The following DGKI variants were observed in gnomAD, a reference collection of about 807,000 sequenced individuals.
The protein encoded by DGKI is diacylglycerol kinase iota.
A neutral mutation model predicts 147.5 loss-of-function variants in DGKI; 55 were observed. The observed-to-expected ratio is 0.37, with a 90% CI of 0.30 to 0.47. DGKI has a LOEUF of 0.47. Among genes scored for constraint, DGKI ranks in the 20% least tolerant of loss-of-function variants. DGKI has a pLI of 1.00. For missense variants in DGKI, 1,007 were observed against 1,323.8 expected, an observed-to-expected ratio of 0.76 and a Z score of 3.71; for synonymous variants, 469 against 477.1, an observed-to-expected ratio of 0.98 and a Z score of 0.22.
Position 137,391,088 on chromosome 7 carries a change from G to C in DGKI, c.*132C>G. Reference sequence around the variant, plus strand: ...GGTAGCCCTTAAAAGCTAGTGGCATGGTCTCAGGTAGATTCTTGCAGGAGA... The same window carrying C: ...GGTAGCCCTTAAAAGCTAGTGGCATCGTCTCAGGTAGATTCTTGCAGGAGA... On this transcript the variant is annotated 3_prime_UTR_variant, in exon 33 of 33. Coordinates refer to ENST00000614521, the MANE Select transcript of DGKI (RefSeq NM_001321708.2). 1 of 756,218 alleles carries C rather than the reference G, an allele frequency of 1.3e-6. No individual in the cohort carries two copies. Among genetic ancestry groups the C allele is most frequent in the Non-Finnish European group, 2.3e-6 (1 of 428,936 alleles). The allele number at this position is 756,218 out of a possible 1,614,324, so 46.8% of individuals were successfully genotyped here. A position where few individuals can be genotyped will look rare whatever the true frequency, so the allele number is the denominator to read the frequency against.
intron 28 of DGKI, among the ~76,000 whole-genome samples, chr7:137,434,613 T>C (rs1585112439): frequency 6.6e-6 from 1 of 151,736 alleles, no homozygotes; most frequent in African/African-American, 2.4e-5. Flanking sequence ...AAAAGAGTAT[T>C]CCCTCATCTT....
At chr7:137,599,690 G>T in intron 11 of DGKI, 133 bp downstream of exon 11, 1 of 709,502 alleles carries the variant, frequency 1.4e-6, no homozygotes, top group Non-Finnish European at 2.3e-6. Flanking sequence ...AAGTTTTAAA[G>T]GAAGGAGAGT....
rs1239598456 is a variant in DGKI, at chr7:137,388,500, T to C, written c.*2720A>G. On this transcript the variant is annotated 3_prime_UTR_variant, in exon 33 of 33. Transcript: ENST00000614521. ...ATTTCTATAGGTACATATTTTTATG[T>C]CTGTTAAAGTTACATGGCACTTCAG... The C allele has an allele frequency of 1.3e-5, 2 of 152,150 alleles. No individual in the cohort carries two copies. The highest frequency in any genetic ancestry group is 4.8e-5 in the African/African-American group (2 of 41,440). 9.4% of individuals were successfully genotyped at this position (152,150 alleles called of 1,614,324 possible).
At chr7:137,827,632 CAATCATGTGCATCATG>C (rs1798098371) in intron 1 of DGKI, among the ~76,000 whole-genome samples, 1 of 152,198 alleles carries the variant, frequency 6.6e-6, no homozygotes, top group South Asian at 2.1e-4. Context: ...GATCCAGATA[CAATCATGTGCATCATG>C]CTATGCCCGC....
In DGKI at chr7:137,591,481, G is replaced by GT. The variant is rs1423297642; in HGVS notation, c.1312-4272dup. Among the ~76,000 whole-genome samples the GT allele has an allele frequency of 4.6e-5, 7 of 152,052 alleles. No individual in the cohort carries two copies. The East Asian group carries it at 9.7e-4, about 21-fold the overall frequency. Reference sequence around the variant, plus strand: ...ATCGCCCCTCCACAGCTCCTGAATAGTTTTTTTCAGCCAGCAGCTCTATCA... The same window carrying GT: ...ATCGCCCCTCCACAGCTCCTGAATAGTTTTTTTTCAGCCAGCAGCTCTATCA... On this transcript the variant is annotated intron_variant, in intron 12 of 32. Transcript: ENST00000614521.
chr7:137,391,497 A>G (rs1044364478), intron 32 of DGKI, among the ~76,000 whole-genome samples, 161 bp from the exon 33 acceptor site: 8 of 152,232 alleles, frequency 5.3e-5, no homozygotes, highest in Non-Finnish European at 1.2e-4. Flanking sequence ...GGTGTTTTAG[A>G]GTTTACAAGA....
At chr7:137,645,062 T>C (rs976500512) in intron 6 of DGKI, among the ~76,000 whole-genome samples, 1 of 152,234 alleles carries the variant, frequency 6.6e-6, no homozygotes, top group Non-Finnish European at 1.5e-5. Context: ...TTCTAGCTTC[T>C]GACCATGTTG....
chr7:137,618,153 T>TATGTATATA, intron 8 of DGKI, among the ~76,000 whole-genome samples: 1 of 9,642 alleles, frequency 1.0e-4, no homozygotes, highest in African/African-American at 1.8e-4. Context: ...ATATATATAT[T>TATGTATATA]TTTTTTTTTT....
rs1158889172 is a variant in DGKI at position 137,722,582 on chromosome 7, C to G, written c.402-32580G>C. ...CAGAAATTTGTCATTGCCACCTCAA[C>G]CAAAATCGATATCAGCAATGTAAAA... is the stretch of plus-strand genomic sequence containing the variant. On this transcript the variant is annotated intron_variant, in intron 1 of 32. Coordinates refer to ENST00000614521, the MANE Select transcript of DGKI (RefSeq NM_001321708.2). 6 of 1,577,062 alleles carry G rather than the reference C, an allele frequency of 3.8e-6. No individual in the cohort carries two copies. The African/African-American group carries it at 8.1e-5, about 21-fold the overall frequency.
rs1819349071 is a variant in DGKI at position 137,585,276 on chromosome 7, C to T, written c.1496G>A (p.Arg499His). ...VEDGTVVQLD[R>H]WNLHVERNPD... ...GTTTCTTTCCACATGGAGGTTCCAGCGATCTAGCTGTACAACTGTCCCATC... is the reference window on the plus strand; with the variant it reads ...GTTTCTTTCCACATGGAGGTTCCAGTGATCTAGCTGTACAACTGTCCCATC... The change falls in exon 14 of 33, where the codon CGC (arginine) becomes CAC (histidine). Residue 499 changes from arginine (R) to histidine (H), a missense_variant. Transcript: ENST00000614521. 1 of 1,614,116 alleles carries T rather than the reference C, an allele frequency of 6.2e-7. No individual in the cohort carries two copies. The highest frequency in any genetic ancestry group is 8.5e-7 in the Non-Finnish European group (1 of 1,179,998).
At chr7:137,515,804 C>T (rs1816726299) in intron 21 of DGKI, among the ~76,000 whole-genome samples, 1 of 151,804 alleles carries the variant, frequency 6.6e-6, no homozygotes, top group South Asian at 2.1e-4. Context: ...TAGCTCACAG[C>T]AATAGTACGA....
chr7:137,394,483 C>T (rs1161359012), intron 32 of DGKI, among the ~76,000 whole-genome samples: 1 of 152,112 alleles, frequency 6.6e-6, no homozygotes, highest in Non-Finnish European at 1.5e-5. Context: ...AGCCCTGGTT[C>T]AACTCTACTA....
At chr7:137,543,220 C>T in intron 20 of DGKI, among the ~76,000 whole-genome samples, 1 of 152,172 alleles carries the variant, frequency 6.6e-6, no homozygotes, top group East Asian at 1.9e-4. Flanking sequence ...CCAATGAGGA[C>T]TTTACTTCAT....
chr7:137,727,333 A>G (rs560795030), intron 1 of DGKI, among the ~76,000 whole-genome samples: 58 of 152,290 alleles, frequency 3.8e-4, no homozygotes, highest in African/African-American at 1.4e-3. Context: ...TAATATGACA[A>G]CAACACAAGA....
intron 21 of DGKI, among the ~76,000 whole-genome samples, chr7:137,517,343 A>AAG (rs1449320966): frequency 2.5e-4 from 31 of 121,946 alleles, no homozygotes; most frequent in South Asian, 5.8e-4. Flanking sequence ...AAGAAAGAGA[A>AAG]AGAAAGAAAG....
At chr7:137,634,080 T>C (rs1821228815) in intron 6 of DGKI, among the ~76,000 whole-genome samples, 1 of 152,200 alleles carries the variant, frequency 6.6e-6, no homozygotes, top group Non-Finnish European at 1.5e-5. Context: ...TATGCTAGAA[T>C]ATCCTCTCCA....
At chr7:137,638,600 A>ATGTG (rs1821479184) in intron 6 of DGKI, among the ~76,000 whole-genome samples, 10 of 13,126 alleles carry the variant, frequency 7.6e-4, no homozygotes, top group Non-Finnish European at 9.3e-4. Flanking sequence ...ATATACATAT[A>ATGTG]TGTATATATA....
intron 1 of DGKI, among the ~76,000 whole-genome samples, chr7:137,707,452 T>G (rs1794073711): frequency 6.6e-6 from 1 of 152,184 alleles, no homozygotes; most frequent in Admixed American, 6.5e-5. Flanking sequence ...CATATCCAAA[T>G]CTCATGTTCA....
chr7:137,752,234 C>T (rs3800653), intron 1 of DGKI, among the ~76,000 whole-genome samples: 40,817 of 151,670 alleles, frequency 0.27, 5,626 homozygotes, highest in Middle Eastern at 0.37. Context: ...TGGTGAACTC[C>T]CATCCCTGAG....
Sources: gnomAD v4.1 joint callset for allele counts (sites outside exome capture counted in the v4.1 genomes callset) on GRCh38, gnomAD v4.1.1 for gene constraint, MANE v1.5 for transcripts, NCBI Gene and HGNC (gene_info 2026-07-23, HGNC 2026-07-21) for gene names.